Variants in GSTCD observed in about 807,000 individuals in gnomAD.
GSTCD encodes the protein glutathione S-transferase C-terminal domain-containing protein.
GSTCD carries 44 observed loss-of-function variants against 68.3 expected under a neutral mutation model. The ratio of observed to expected loss-of-function variants is 0.64; its 90% confidence interval spans 0.51 to 0.83. The LOEUF is 0.83. Among genes scored for constraint, GSTCD ranks in the 40% least tolerant of loss-of-function variants. The probability of loss-of-function intolerance (pLI) is 0.00; values close to 1 mark genes in which losing one functional copy is unlikely to be tolerated. For synonymous variants in GSTCD, 273 were observed against 255.2 expected (o/e 1.07, Z -0.67); for missense variants, 739 against 735.9 (o/e 1.00, Z -0.05).
chr4:105,842,244 A>G (rs1295308130), intron 11 of GSTCD, 110 bp downstream of exon 11: 4 of 749,824 alleles, frequency 5.3e-6, no homozygotes, highest in Non-Finnish European at 9.1e-6. Flanking sequence ...CTATTTTTCA[A>G]TGAGAAACTA....
chr4:105,792,973 G>A (rs959532136), intron 5 of GSTCD, among the ~76,000 whole-genome samples: 3 of 151,910 alleles, frequency 2.0e-5, no homozygotes, highest in African/African-American at 7.3e-5. Context: ...ATGACTTAAA[G>A]CTTTTTAGTG....
intron 5 of GSTCD, among the ~76,000 whole-genome samples, chr4:105,791,994 A>G (rs1343183699): frequency 6.6e-6 from 1 of 152,144 alleles, no homozygotes; most frequent in Non-Finnish European, 1.5e-5. Context: ...TTTAAGGAAA[A>G]TAATGTTTTA....
chr4:105,726,868 G>T, intron 4 of GSTCD, 38 bp downstream of exon 4: 1 of 1,520,142 alleles, frequency 6.6e-7, no homozygotes, highest in Non-Finnish European at 8.9e-7. Flanking sequence ...AAAATTCTAT[G>T]TGATAATATT....
chr4:105,742,608 A>G (rs1281092412), intron 5 of GSTCD, among the ~76,000 whole-genome samples: 1 of 152,232 alleles, frequency 6.6e-6, no homozygotes, highest in Non-Finnish European at 1.5e-5. Context: ...AGTGCCTAGG[A>G]AACTGCAAAT....
intron 10 of GSTCD, among the ~76,000 whole-genome samples, chr4:105,838,754 G>C (rs1034225139): frequency 7.9e-5 from 12 of 152,006 alleles, no homozygotes; most frequent in Admixed American, 1.3e-4. Context: ...CCAATTAACT[G>C]GTCAATAGCA....
chr4:105,752,182 T>G (rs1578437044), intron 5 of GSTCD, among the ~76,000 whole-genome samples: 1 of 152,096 alleles, frequency 6.6e-6, no homozygotes, highest in East Asian at 1.9e-4. Context: ...TGAAACCAGA[T>G]TGTCTTCTTA....
intron 3 of GSTCD, 122 bp downstream of exon 3, chr4:105,719,649 C>T: frequency 1.4e-6 from 1 of 698,320 alleles, no homozygotes; most frequent in Non-Finnish European, 2.4e-6. Context: ...TAATATCTTT[C>T]TCCATTTTCT....
chr4:105,769,661 T>C (rs1048390624), intron 5 of GSTCD, among the ~76,000 whole-genome samples: 2 of 152,198 alleles, frequency 1.3e-5, no homozygotes, highest in Non-Finnish European at 2.9e-5. Context: ...TAGTTTATAA[T>C]AGATTATTTA....
chr4:105,777,142 C>T (rs1399301689), intron 5 of GSTCD, among the ~76,000 whole-genome samples: 2 of 152,140 alleles, frequency 1.3e-5, no homozygotes, highest in African/African-American at 4.8e-5. Context: ...ATAAATTCTA[C>T]TTAGTAAACA....
chr4:105,795,352 T>C (rs1735842885), intron 5 of GSTCD, among the ~76,000 whole-genome samples: 1 of 6,322 alleles, frequency 1.6e-4, no homozygotes, highest in African/African-American at 3.4e-4. Flanking sequence ...TTCTTAATAG[T>C]AGTGCTTTTG....
intron 5 of GSTCD, among the ~76,000 whole-genome samples, chr4:105,767,341 G>A (rs963345943): frequency 5.9e-5 from 9 of 152,088 alleles, no homozygotes; most frequent in Middle Eastern, 3.4e-3. Flanking sequence ...GAAACCTTTA[G>A]GTCAAACATA....
chr4:105,751,768 G>A (rs1264859336), intron 5 of GSTCD, among the ~76,000 whole-genome samples: 1 of 152,230 alleles, frequency 6.6e-6, no homozygotes, highest in East Asian at 1.9e-4. Flanking sequence ...CATACTGAAA[G>A]CTTAATAGTA....
At chr4:105,728,834 TG>T (rs1319239252) in intron 4 of GSTCD, among the ~76,000 whole-genome samples, 1 of 152,052 alleles carries the variant, frequency 6.6e-6, no homozygotes, top group African/African-American at 2.4e-5. Context: ...ATCCTGAAAA[TG>T]TTTTAATATA....
intron 5 of GSTCD, among the ~76,000 whole-genome samples, chr4:105,766,276 T>A (rs1734604056): frequency 6.6e-6 from 1 of 152,114 alleles, no homozygotes; most frequent in Non-Finnish European, 1.5e-5. Flanking sequence ...ACTGTCTAGA[T>A]AAGCTTTAGT....
At chr4:105,785,698 A>C (rs1273195889) in intron 5 of GSTCD, among the ~76,000 whole-genome samples, 1 of 152,190 alleles carries the variant, frequency 6.6e-6, no homozygotes, top group Non-Finnish European at 1.5e-5. Context: ...GTAAAGGCTA[A>C]ATGTATTCTC....
intron 5 of GSTCD, among the ~76,000 whole-genome samples, chr4:105,763,134 G>C (rs972371893): frequency 3.9e-5 from 6 of 152,116 alleles, no homozygotes; most frequent in Non-Finnish European, 7.4e-5. Context: ...CACATAAGTA[G>C]ATCAGAATTT....
At chr4:105,781,410 G>GC (rs997977673) in intron 5 of GSTCD, among the ~76,000 whole-genome samples, 4 of 148,776 alleles carry the variant, frequency 2.7e-5, no homozygotes, top group Non-Finnish European at 4.5e-5. Flanking sequence ...ATCATGCTCA[G>GC]CTTTTTTTTT....
At chr4:105,768,805 G>C (rs1734719499) in intron 5 of GSTCD, among the ~76,000 whole-genome samples, 1 of 150,948 alleles carries the variant, frequency 6.6e-6, no homozygotes. Flanking sequence ...TCTTCCCTTG[G>C]GAAAATTATT....
chr4:105,772,517 T>G (rs536370343), intron 5 of GSTCD, among the ~76,000 whole-genome samples: 3 of 152,192 alleles, frequency 2.0e-5, no homozygotes, highest in Admixed American at 1.3e-4. Flanking sequence ...TCTTATTGTT[T>G]TGATATGTGT....
Sources: gnomAD v4.1 joint callset for allele counts (sites outside exome capture counted in the v4.1 genomes callset) on GRCh38, gnomAD v4.1.1 for gene constraint, MANE v1.5 for transcripts, NCBI Gene and HGNC (gene_info 2026-07-23, HGNC 2026-07-21) for gene names.